RALGDS: variants seen among roughly 807,000 people sequenced by gnomAD.
RALGDS encodes the protein ral guanine nucleotide exchange factor.
RALGDS carries 44 observed loss-of-function variants against 99.8 expected under a neutral mutation model. The ratio of observed to expected loss-of-function variants is 0.44; its 90% CI spans 0.35 to 0.57. The LOEUF is 0.57. Ranked by LOEUF, RALGDS falls within the 20% of genes least tolerant of loss-of-function variation. The pLI, the probability that RALGDS is intolerant of heterozygous loss-of-function variation, is 0.01. For missense variants in RALGDS, 1,022 were observed against 1,203.1 expected (o/e 0.85, Z 2.23); for synonymous variants, 529 against 505.0 (o/e 1.05, Z -0.64).
rs73558429 is a variant in RALGDS, at chr9:133,103,084, C to T, written c.1791+146G>A. On this transcript the variant is annotated intron_variant, in intron 12 of 17. Transcript: ENST00000372050. ...CTGGATTATAACCTCCTACCCTCACCCTCCAGTGGGAGGGGACCCCCTTCT... is the reference window on the plus strand; with the variant it reads ...CTGGATTATAACCTCCTACCCTCACTCTCCAGTGGGAGGGGACCCCCTTCT... 3.9e-3 allele frequency: 5,186 copies of T among 1,345,598 alleles called. 31 individuals carry two copies. The highest frequency in any genetic ancestry group is 0.02 in the African/African-American group (1,393 of 69,144). 83.4% of individuals were successfully genotyped at this position (1,345,598 alleles called of 1,614,324 possible).
intron 1 of RALGDS, among the ~76,000 whole-genome samples, chr9:133,147,478 C>T (rs1832641736): frequency 1.3e-5 from 2 of 152,242 alleles, no homozygotes; most frequent in Non-Finnish European, 2.9e-5. Flanking sequence ...TGCCCCCCCA[C>T]AACCCAGGGT....
intron 1 of RALGDS, among the ~76,000 whole-genome samples, chr9:133,129,554 T>C (rs1832270148): frequency 6.6e-6 from 1 of 152,176 alleles, no homozygotes; most frequent in Admixed American, 6.5e-5. Context: ...CTTTCTCCCT[T>C]AATTCTCCAA....
intron 1 of RALGDS, among the ~76,000 whole-genome samples, chr9:133,137,566 G>C (rs1399496775): frequency 6.6e-6 from 1 of 152,234 alleles, no homozygotes; most frequent in Non-Finnish European, 1.5e-5. Context: ...TCCCATTAAA[G>C]TGCTTTCCCC....
chr9:133,104,331 C>T lies in RALGDS; in HGVS notation c.1603G>A (p.Glu535Lys), dbSNP rs1201373874. 6.2e-7 allele frequency: 1 copy of T among 1,612,322 alleles called. No individual in the cohort carries two copies. Among genetic ancestry groups the T allele is most frequent in the African/African-American group, 1.3e-5 (1 of 75,012 alleles). ...YSLSRELLIKEGTSKFATLEM... is the reference protein window; with the variant it reads ...YSLSRELLIKKGTSKFATLEM... ...AGGGTGGCAAACTTGGAGGTGCCCT[C>T]CTGCCAGGGTAGAGGACAGGGTCAG... is the stretch of plus-strand genomic sequence containing the variant. Residue 535 changes from glutamate to lysine, a missense_variant and splice_region_variant, in exon 10 of 18, where the codon GAG becomes AAG. Coordinates refer to ENST00000372050, the MANE Select transcript of RALGDS (RefSeq NM_006266.4).
chr9:133,141,724 G>A (rs1832527064), intron 1 of RALGDS, among the ~76,000 whole-genome samples: 1 of 152,250 alleles, frequency 6.6e-6, no homozygotes, highest in African/African-American at 2.4e-5. Context: ...CCCAGTAGGT[G>A]ACATAATTCA....
Position 133,098,382 on chromosome 9 carries a change from C to A in RALGDS, c.*205G>T. Reference sequence around the variant, plus strand: ...TCCTCTGGTTCCAGAGAGCAGAAGGCACCTAAGGCAGCGAGTGGTCCACGG... The same window carrying A: ...TCCTCTGGTTCCAGAGAGCAGAAGGAACCTAAGGCAGCGAGTGGTCCACGG... On this transcript the variant is annotated 3_prime_UTR_variant, in exon 18 of 18. Coordinates refer to ENST00000372050, the MANE Select transcript of RALGDS (RefSeq NM_006266.4). 2 of 605,518 alleles carry A rather than the reference C, an allele frequency of 3.3e-6. No homozygotes were observed. The highest frequency in any genetic ancestry group is 5.9e-6 in the Non-Finnish European group (2 of 341,420). 37.5% of individuals were successfully genotyped at this position (605,518 alleles called of 1,614,324 possible).
rs562157939 is a variant in RALGDS, at chr9:133,114,304, A to G, written c.184-2152T>C. ...TTCTCTGGTCGCTTCCCGTCACAGC[A>G]GCAGCAGGCATGGAACCAGACCATA... On this transcript the variant is annotated intron_variant, in intron 1 of 17. Coordinates refer to ENST00000372050, the MANE Select transcript of RALGDS (RefSeq NM_006266.4). Among the ~76,000 whole-genome samples the G allele has an allele frequency of 1.3e-3, 192 of 152,316 alleles. 1 individual carries two copies. Among genetic ancestry groups the G allele is most frequent in the Non-Finnish European group, 2.2e-3 (149 of 68,006 alleles).
chr9:133,110,600 ATC>A (rs914395817), intron 2 of RALGDS, 111 bp from the exon 3 acceptor site: 2 of 912,224 alleles, frequency 2.2e-6, no homozygotes, highest in East Asian at 2.5e-5. Context: ...AGGACTGAGT[ATC>A]TCTAGCAGAA....
chr9:133,108,498 C>T, intron 5 of RALGDS, 92 bp from the exon 6 acceptor site: 2 of 1,446,220 alleles, frequency 1.4e-6, no homozygotes, highest in Non-Finnish European at 1.9e-6. Flanking sequence ...AAGCCTCTCT[C>T]CCCGAACCCA....
Position 133,110,292 on chromosome 9 carries a change from TC to T in RALGDS, c.488+3del. ...ACCCTGTGCAGTGGAGGGCTCATGCTCACCTTTTGAACAGCAGGTCCAGGAC... is the reference window on the plus strand; with the variant it reads ...ACCCTGTGCAGTGGAGGGCTCATGCTACCTTTTGAACAGCAGGTCCAGGAC... On this transcript the variant is annotated splice_donor_region_variant and intron_variant, in intron 3 of 17. Transcript: ENST00000372050. 6.2e-7 allele frequency: 1 copy of T among 1,612,874 alleles called. No individual in the cohort carries two copies. Among genetic ancestry groups the T allele is most frequent in the South Asian group, 1.1e-5 (1 of 91,054 alleles).
At chr9:133,117,546 C>T (rs1056561230) in intron 1 of RALGDS, among the ~76,000 whole-genome samples, 22 of 152,264 alleles carry the variant, frequency 1.4e-4, no homozygotes, top group Admixed American at 6.5e-5. Context: ...CTCCCCCGCC[C>T]GTGGGCAGCC....
At chr9:133,133,391 C>T (rs1276396323), upstream of RALGDS, among the ~76,000 whole-genome samples, 11 of 152,324 alleles carry the variant, frequency 7.2e-5, no homozygotes, top group South Asian at 2.3e-3. Flanking sequence ...AGCAGCAGGG[C>T]CATGCACCCC....
In RALGDS at chr9:133,142,629, C is replaced by T. The variant is rs141255482; in HGVS notation, c.18+6334G>A. Reference sequence around the variant, plus strand: ...GGGAGTCCATAAGCTCACACCCCACCCCTATGGGGGGGCCCACATACCCCT... The same window carrying T: ...GGGAGTCCATAAGCTCACACCCCACTCCTATGGGGGGGCCCACATACCCCT... On this transcript the variant is annotated intron_variant, in intron 1 of 17. Transcript: ENST00000393160. Among the ~76,000 whole-genome samples, 968 of 152,298 alleles carry T rather than the reference C, an allele frequency of 6.4e-3. 7 individuals are homozygous for T. Among genetic ancestry groups the T allele is most frequent in the African/African-American group, 0.021 (887 of 41,578 alleles).
chr9:133,133,595 T>C (rs1832379797), upstream of RALGDS, among the ~76,000 whole-genome samples: 1 of 152,062 alleles, frequency 6.6e-6, no homozygotes, highest in South Asian at 2.1e-4. Flanking sequence ...ACCTGCAGCC[T>C]CCCCACCGCA....
intron 4 of RALGDS, 124 bp downstream of exon 4, chr9:133,109,502 A>T (rs1016762980): frequency 2.2e-6 from 2 of 895,842 alleles, no homozygotes; most frequent in African/African-American, 3.3e-5. Context: ...CTCTAGCAGG[A>T]ACCACAAGAG....
At chr9:133,134,756 A>C (rs987162523), upstream of RALGDS, among the ~76,000 whole-genome samples, 1 of 152,126 alleles carries the variant, frequency 6.6e-6, no homozygotes, top group Non-Finnish European at 1.5e-5. Flanking sequence ...TGGCGCCTAA[A>C]CCAGAGTCAA....
At chr9:133,140,181 G>A (rs930627638) in intron 1 of RALGDS, among the ~76,000 whole-genome samples, 1 of 152,068 alleles carries the variant, frequency 6.6e-6, no homozygotes, top group Non-Finnish European at 1.5e-5. Context: ...GGTGGTGGCA[G>A]CCCCCAGGAC....
intron 1 of RALGDS, among the ~76,000 whole-genome samples, chr9:133,127,817 CAGG>C (rs1832210215): frequency 6.6e-6 from 1 of 152,222 alleles, no homozygotes; most frequent in South Asian, 2.1e-4. Context: ...CTGAAATCTC[CAGG>C]AGACCACACT....
At chr9:133,148,877 G>A in intron 1 of RALGDS, 1 of 1,509,742 alleles carries the variant, frequency 6.6e-7, no homozygotes, top group Non-Finnish European at 9.0e-7. Context: ...ACGCGGCGCC[G>A]GGCTCCCTCC....
Sources: allele counts gnomAD v4.1 joint callset (sites outside exome capture counted in the v4.1 genomes callset), GRCh38; gene constraint gnomAD v4.1.1; transcripts MANE v1.5; gene names NCBI Gene and HGNC (gene_info 2026-07-23, HGNC 2026-07-21).